Variants in NSMAF observed in about 807,000 individuals in gnomAD.
NSMAF encodes protein FAN.
A neutral mutation model predicts 134.9 loss-of-function variants in NSMAF; 90 were observed. That is an observed-to-expected ratio of 0.67 (90% confidence interval 0.56 to 0.79). The LOEUF is 0.79. Ranked by LOEUF, NSMAF falls within the 30% of genes least tolerant of loss-of-function variation. The probability of loss-of-function intolerance (pLI) is 0.00; values close to 1 mark genes in which losing one functional copy is unlikely to be tolerated. For missense variants in NSMAF, 1,010 were observed against 1,119.0 expected, an observed-to-expected ratio of 0.90 and a Z score of 1.39; for synonymous variants, 358 against 389.6, an observed-to-expected ratio of 0.92 and a Z score of 0.96.
At chr8:58,599,691 G>A in intron 18 of NSMAF, 59 bp downstream of exon 18, 2 of 1,553,570 alleles carry the variant, frequency 1.3e-6, no homozygotes, top group Non-Finnish European at 1.7e-6. Context: ...AATAATTACT[G>A]AAATTGCACT....
At chr8:58,643,134 A>G in intron 1 of NSMAF, 61 bp from the exon 2 acceptor site, 1 of 1,230,676 alleles carries the variant, frequency 8.1e-7, no homozygotes, top group Non-Finnish European at 1.2e-6. Context: ...AGAAGGCAAT[A>G]TATTTAAAAC....
chr8:58,616,704 T>A (rs548505817), intron 9 of NSMAF, among the ~76,000 whole-genome samples: 15 of 152,234 alleles, frequency 9.9e-5, no homozygotes, highest in African/African-American at 3.4e-4. Flanking sequence ...GGCAATAATG[T>A]TCATTTCCAC....
At chr8:58,658,956 G>A (rs1182370906) in intron 1 of NSMAF, among the ~76,000 whole-genome samples, 6 of 152,218 alleles carry the variant, frequency 3.9e-5, no homozygotes, top group Non-Finnish European at 1.5e-5. Flanking sequence ...TTGGGAGGCA[G>A]GACCTTGGCT....
intron 1 of NSMAF, among the ~76,000 whole-genome samples, chr8:58,645,125 A>G (rs983764553): frequency 2.3e-4 from 35 of 152,098 alleles, no homozygotes; most frequent in African/African-American, 7.7e-4. Flanking sequence ...AAAAAAAAAA[A>G]AAAAGAAATT....
intron 9 of NSMAF, among the ~76,000 whole-genome samples, chr8:58,617,979 C>T (rs1806700797): frequency 6.6e-6 from 1 of 152,116 alleles, no homozygotes; most frequent in African/African-American, 2.4e-5. Flanking sequence ...TACTATGCAG[C>T]CATAAAAAGG....
At chr8:58,597,312 T>C in intron 21 of NSMAF, 75 bp downstream of exon 21, 4 of 1,320,894 alleles carry the variant, frequency 3.0e-6, no homozygotes, top group South Asian at 2.6e-5. Context: ...ATACGTCTTA[T>C]CTCCTCTTCA....
At chr8:58,638,603 T>G (rs942222511) in intron 2 of NSMAF, among the ~76,000 whole-genome samples, 1 of 152,126 alleles carries the variant, frequency 6.6e-6, no homozygotes, top group Non-Finnish European at 1.5e-5. Flanking sequence ...AACCCTTACC[T>G]CATCCCATAC....
chr8:58,598,918 C>T (rs750569498), intron 19 of NSMAF, among the ~76,000 whole-genome samples: 20 of 151,674 alleles, frequency 1.3e-4, no homozygotes, highest in Non-Finnish European at 2.7e-4. Flanking sequence ...CCCAGCTACT[C>T]GGGAGGCTGA....
chr8:58,597,673 C>CAA, intron 20 of NSMAF, 123 bp from the exon 21 acceptor site: 1 of 1,020,188 alleles, frequency 9.8e-7, no homozygotes, highest in East Asian at 2.4e-5. Flanking sequence ...CAACTATGTA[C>CAA]CAGGATTGTC....
intron 5 of NSMAF, among the ~76,000 whole-genome samples, chr8:58,631,987 T>G (rs942583531): frequency 7.2e-5 from 11 of 152,104 alleles, no homozygotes; most frequent in African/African-American, 2.4e-4. Flanking sequence ...GGGCCACTGG[T>G]CCTTACATAG....
At chr8:58,619,875 G>A (rs1806743304) in intron 9 of NSMAF, among the ~76,000 whole-genome samples, 1 of 152,146 alleles carries the variant, frequency 6.6e-6, no homozygotes, top group African/African-American at 2.4e-5. Flanking sequence ...TCTAAATTCA[G>A]ATGGCAGTGC....
Position 58,600,018 on chromosome 8 carries a change from A to G in NSMAF, c.1284T>C (p.Ile428=). Reference sequence around the variant, plus strand: ...CCAGACAGTTTTTCCAAGTTTCTGCAATACTACATATGAAAAAAAAATTCA... The same window carrying G: ...CCAGACAGTTTTTCCAAGTTTCTGCGATACTACATATGAAAAAAAAATTCA... ...FDNADRMFNS[I]AETWKNCLDG... Residue 428 remains isoleucine (I), a synonymous_variant, in exon 17 of 31, where the codon ATT becomes ATC. Coordinates refer to ENST00000038176, the MANE Select transcript of NSMAF (RefSeq NM_003580.4). 1 of 1,612,888 alleles carries G rather than the reference A, an allele frequency of 6.2e-7. No homozygotes were observed. Among genetic ancestry groups the G allele is most frequent in the East Asian group, 2.2e-5 (1 of 44,884 alleles).
rs971344134 is a variant in NSMAF, at chr8:58,595,457, G to A, written c.1892+103C>T. Reference sequence around the variant, plus strand: ...TTAAAAATAAAGACAACATTGAAAGGGAATTTTCCCTCTGACTCAGCTTAA... The same window carrying A: ...TTAAAAATAAAGACAACATTGAAAGAGAATTTTCCCTCTGACTCAGCTTAA... On this transcript the variant is annotated intron_variant, in intron 22 of 30. Transcript: ENST00000038176. The A allele has an allele frequency of 5.3e-6, 4 of 751,518 alleles. No individual in the cohort carries two copies. In the African/African-American group the frequency reaches 7.0e-5, roughly 13 times the overall value. The allele number at this position is 751,518 out of a possible 1,614,324, so 46.6% of individuals were successfully genotyped here. A position where few individuals can be genotyped will look rare whatever the true frequency, so the allele number is the denominator to read the frequency against.
chr8:58,626,444 A>G (rs908945190), intron 6 of NSMAF, among the ~76,000 whole-genome samples: 1 of 152,172 alleles, frequency 6.6e-6, no homozygotes, highest in Non-Finnish European at 1.5e-5. Context: ...GCTCCCACTT[A>G]TAAGTGAGAA....
chr8:58,602,037 A>G (rs1354487967), intron 14 of NSMAF, 21 bp downstream of exon 14: 1 of 1,586,416 alleles, frequency 6.3e-7, no homozygotes, highest in African/African-American at 1.3e-5. Context: ...TTAGAAACCA[A>G]GAATCTCTAA....
At chr8:58,603,530 TCA>T in intron 12 of NSMAF, 144 bp from the exon 13 acceptor site, 1 of 692,764 alleles carries the variant, frequency 1.4e-6, no homozygotes. Flanking sequence ...TGACTTGTTT[TCA>T]TAAAGTATTT....
Position 58,659,259 on chromosome 8 carries a change from G to A in NSMAF, c.59+314C>T, listed in dbSNP as rs949376735. On this transcript the variant is annotated intron_variant, in intron 1 of 30. Coordinates refer to ENST00000038176, the MANE Select transcript of NSMAF (RefSeq NM_003580.4). ...CGCCCGGACCCCGCGCGGCCTTCCG[G>A]GTGAGCTGCCCGCGGCCGCCGGGAC... 5.3e-6 allele frequency: 8 copies of A among 1,509,172 alleles called. No individual in the cohort carries two copies. In the African/African-American group the frequency reaches 8.7e-5, roughly 16 times the overall value. 93.5% of individuals were successfully genotyped at this position (1,509,172 alleles called of 1,614,324 possible).
intron 2 of NSMAF, chr8:58,637,328 G>T (rs1167000580): frequency 2.2e-6 from 1 of 456,196 alleles, no homozygotes. Context: ...CATCCTTTCA[G>T]TGGGAAGTGG....
At chr8:58,650,608 CT>C (rs1165150818) in intron 1 of NSMAF, among the ~76,000 whole-genome samples, 2 of 152,118 alleles carry the variant, frequency 1.3e-5, no homozygotes, top group Non-Finnish European at 2.9e-5. Context: ...CAGCACCTAT[CT>C]TTTTTGTTCC....
Sources: allele counts gnomAD v4.1 joint callset (sites outside exome capture counted in the v4.1 genomes callset), GRCh38; gene constraint gnomAD v4.1.1; transcripts MANE v1.5; gene names NCBI Gene and HGNC (gene_info 2026-07-23, HGNC 2026-07-21).